DNER: variants seen among roughly 807,000 people sequenced by gnomAD.
DNER encodes delta/notch like EGF repeat containing.
Under a neutral mutation model 78.2 loss-of-function variants are expected in DNER, and 33 were observed. That is an observed-to-expected ratio of 0.42 (90% CI 0.32 to 0.56). DNER has a LOEUF of 0.56. Ranked by LOEUF, DNER falls within the 20% of genes least tolerant of loss-of-function variation. The probability of loss-of-function intolerance (pLI) is 0.11; values close to 1 mark genes in which losing one functional copy is unlikely to be tolerated. For missense variants in DNER, 918 were observed against 975.3 expected (o/e 0.94, Z 0.78); for synonymous variants, 417 against 384.8 (o/e 1.08, Z -0.98).
At chr2:229,552,571 C>T (rs993961463) in intron 4 of DNER, among the ~76,000 whole-genome samples, 2 of 152,116 alleles carry the variant, frequency 1.3e-5, no homozygotes, top group African/African-American at 4.8e-5. Flanking sequence ...TTATAAGGGG[C>T]TTTTCCCCCT....
At chr2:229,584,492 A>T (rs1697461752) in intron 4 of DNER, among the ~76,000 whole-genome samples, 1 of 152,154 alleles carries the variant, frequency 6.6e-6, no homozygotes. Flanking sequence ...TATATGCTGG[A>T]TGAGAAACAA....
chr2:229,468,324 T>C (rs1199161550), intron 7 of DNER, among the ~76,000 whole-genome samples: 1 of 152,232 alleles, frequency 6.6e-6, no homozygotes, highest in African/African-American at 2.4e-5. Flanking sequence ...ACATTACAGT[T>C]TGGGGGGTCA....
intron 12 of DNER, 127 bp from the exon 13 acceptor site, chr2:229,358,778 A>G (rs1364365079): frequency 1.3e-6 from 1 of 765,128 alleles, no homozygotes; most frequent in South Asian, 2.4e-5. Flanking sequence ...TATAGCAAGC[A>G]TAGAAACTTT....
chr2:229,605,805 T>C (rs543615336), intron 1 of DNER, among the ~76,000 whole-genome samples: 2 of 151,952 alleles, frequency 1.3e-5, no homozygotes, highest in South Asian at 2.1e-4. Context: ...GGAGGGAGGA[T>C]TGCTTGAACC....
At chr2:229,508,249 A>G (rs1248953447) in intron 6 of DNER, among the ~76,000 whole-genome samples, 2 of 152,238 alleles carry the variant, frequency 1.3e-5, no homozygotes, top group Admixed American at 1.3e-4. Flanking sequence ...CACTTGGGAA[A>G]AACAGTTTGA....
At chr2:229,441,270 A>G (rs1442439723) in intron 8 of DNER, among the ~76,000 whole-genome samples, 1 of 152,120 alleles carries the variant, frequency 6.6e-6, no homozygotes, top group South Asian at 2.1e-4. Flanking sequence ...TATATGAACT[A>G]TTGTTCATAT....
Position 229,570,088 on chromosome 2 carries a change from T to G in DNER, c.847+15770A>C, listed in dbSNP as rs74799869. Among the ~76,000 whole-genome samples the G allele has an allele frequency of 6.4e-3, 982 of 152,312 alleles. 13 individuals carry two copies. Among genetic ancestry groups the G allele is most frequent in the African/African-American group, 0.023 (947 of 41,576 alleles). On this transcript the variant is annotated intron_variant, in intron 4 of 12. Transcript: ENST00000341772. ...TCGCTTATCACCTTTGCTAGCTGGTTTTTTGGTTGTTTCCTGTAAGCAAGT... is the reference window on the plus strand; with the variant it reads ...TCGCTTATCACCTTTGCTAGCTGGTGTTTTGGTTGTTTCCTGTAAGCAAGT...
At chr2:229,547,651 A>G (rs947426045) in intron 4 of DNER, among the ~76,000 whole-genome samples, 1 of 152,192 alleles carries the variant, frequency 6.6e-6, no homozygotes. Flanking sequence ...TTTATTGATC[A>G]TTGATAAGAT....
At chr2:229,389,600 A>AGTGTACAC (rs1559338617) in intron 10 of DNER, among the ~76,000 whole-genome samples, 3 of 152,216 alleles carry the variant, frequency 2.0e-5, no homozygotes. Context: ...GCAATGTTTC[A>AGTGTACAC]GTGTACACTC....
At chr2:229,393,832 G>A (rs933115899) in intron 10 of DNER, among the ~76,000 whole-genome samples, 25 of 152,012 alleles carry the variant, frequency 1.6e-4, no homozygotes, top group African/African-American at 6.1e-4. Context: ...GGGCAACAGA[G>A]CGAGACTCCG....
At chr2:229,698,097 G>A (rs766562021) in intron 1 of DNER, among the ~76,000 whole-genome samples, 5 of 152,114 alleles carry the variant, frequency 3.3e-5, no homozygotes, top group African/African-American at 4.8e-5. Context: ...CCAGTTACTC[G>A]GGAGACTGAG....
Position 229,385,089 on chromosome 2 carries a change from G to A in DNER, c.1855+3176C>T, listed in dbSNP as rs376354623. On this transcript the variant is annotated intron_variant, in intron 11 of 12. Transcript: ENST00000341772. ...TGTACTCCAGTCTGGGCAACAGAGC[G>A]AGACTCCATCTAAAAAAAAAAAAAA... Among the ~76,000 whole-genome samples the A allele has an allele frequency of 4.7e-4, 68 of 146,090 alleles. 1 individual carries two copies. Among genetic ancestry groups the A allele is most frequent in the South Asian group, 1.1e-3 (5 of 4,530 alleles).
chr2:229,615,370 C>T (rs967647138), intron 1 of DNER, among the ~76,000 whole-genome samples: 12 of 148,498 alleles, frequency 8.1e-5, no homozygotes, highest in African/African-American at 1.3e-4. Context: ...AAGACTGCAC[C>T]TTTGCATCCC....
chr2:229,651,786 G>A (rs1698823223), intron 1 of DNER, among the ~76,000 whole-genome samples: 1 of 152,190 alleles, frequency 6.6e-6, no homozygotes, highest in African/African-American at 2.4e-5. Context: ...ACATGAGGAA[G>A]CAACTAGCAA....
In DNER at chr2:229,477,151, T is replaced by A. The variant is rs1191439117; in HGVS notation, c.1250A>T (p.Gln417Leu). The A allele has an allele frequency of 6.2e-7, 1 of 1,613,464 alleles. No individual in the cohort carries two copies. The highest frequency in any genetic ancestry group is 8.5e-7 in the Non-Finnish European group (1 of 1,179,684). ...CISSLSGFTC[Q>L]CPEGYFGSAC... ...TAAATACTAATTACCTTCTGGACAC[T>A]GGCAGGTGAATCCACTGAGACTGGA... The change falls in exon 7 of 13, where the codon CAG (glutamine) becomes CTG (leucine). Residue 417 changes from glutamine to leucine, a missense_variant. Transcript: ENST00000341772.
intron 1 of DNER, among the ~76,000 whole-genome samples, chr2:229,641,210 G>A (rs1237939242): frequency 6.6e-6 from 1 of 152,166 alleles, no homozygotes; most frequent in Non-Finnish European, 1.5e-5. Context: ...GCAGTCGTGA[G>A]CAAGGCTGAC....
chr2:229,574,367 T>C (rs1483682368), intron 4 of DNER, among the ~76,000 whole-genome samples: 1 of 152,174 alleles, frequency 6.6e-6, no homozygotes, highest in African/African-American at 2.4e-5. Context: ...GATAGCCTAT[T>C]GATAATAAAT....
intron 1 of DNER, among the ~76,000 whole-genome samples, chr2:229,617,850 G>C (rs1216458737): frequency 6.6e-6 from 1 of 152,182 alleles, no homozygotes; most frequent in East Asian, 1.9e-4. Flanking sequence ...TACTTAGGAG[G>C]CTGTGGTGGG....
intron 5 of DNER, among the ~76,000 whole-genome samples, chr2:229,531,468 T>C (rs1210459472): frequency 6.6e-6 from 1 of 152,134 alleles, no homozygotes; most frequent in African/African-American, 2.4e-5. Context: ...AAGATACCAA[T>C]TCACACTCAG....
Sources: allele counts gnomAD v4.1 joint callset (sites outside exome capture counted in the v4.1 genomes callset), GRCh38; gene constraint gnomAD v4.1.1; transcripts MANE v1.5; gene names NCBI Gene and HGNC (gene_info 2026-07-23, HGNC 2026-07-21).